CLNK: variants seen among roughly 807,000 people sequenced by gnomAD.
The protein encoded by CLNK is cytokine dependent hematopoietic cell linker, also known as cytokine-dependent hematopoietic cell linker.
Under a neutral mutation model 68.6 loss-of-function variants are expected in CLNK, and 74 were observed. The observed-to-expected ratio is 1.08, with a 90% CI of 0.89 to 1.31. CLNK has a LOEUF of 1.31. Among genes scored for constraint, CLNK ranks in the 50% most tolerant of loss-of-function variants. The pLI is 0.00. For synonymous variants in CLNK, 198 were observed against 172.2 expected (o/e 1.15, Z -1.17); for missense variants, 553 against 515.3 (o/e 1.07, Z -0.71).
chr4:10,705,287 T>C, the CLNK span, among the ~76,000 whole-genome samples: 1 of 152,244 alleles, frequency 6.6e-6, no homozygotes, highest in Non-Finnish European at 1.5e-5. Context: ...TCTTCACCAA[T>C]TGGTGTGACC....
rs937517645 is a variant in CLNK at position 10,585,578 on chromosome 4, G to T, written c.84-623C>A. ...GTCTCAGCCTCCTCTGGCTGGGAAGGCCACCTGATTCTCAAACCATTCATT... is the reference window on the plus strand; with the variant it reads ...GTCTCAGCCTCCTCTGGCTGGGAAGTCCACCTGATTCTCAAACCATTCATT... On this transcript the variant is annotated intron_variant, in intron 3 of 18. Coordinates refer to ENST00000226951, the MANE Select transcript of CLNK (RefSeq NM_052964.4). 5.3e-5 allele frequency among the ~76,000 whole-genome samples: 8 copies of T among 152,276 alleles called. No individual in the cohort carries two copies. In the South Asian group the frequency reaches 1.2e-3, roughly 24 times the overall value.
At chr4:10,500,830 A>G (rs950379974) in intron 18 of CLNK, among the ~76,000 whole-genome samples, 3 of 152,368 alleles carry the variant, frequency 2.0e-5, no homozygotes, top group East Asian at 3.9e-4. Flanking sequence ...GGCATGCCCA[A>G]CATAGCCCTA....
intron 2 of CLNK, among the ~76,000 whole-genome samples, chr4:10,632,373 T>C (rs1483163656): frequency 6.6e-5 from 10 of 152,242 alleles, no homozygotes; most frequent in South Asian, 2.1e-4. Flanking sequence ...CCTTAGCCCT[T>C]AGCAGGAATT....
intron 2 of CLNK, among the ~76,000 whole-genome samples, chr4:10,631,739 G>A (rs568242218): frequency 6.6e-6 from 1 of 152,348 alleles, no homozygotes; most frequent in Non-Finnish European, 1.5e-5. Flanking sequence ...TATTTCAACT[G>A]TAGTGTCTGC....
chr4:10,624,033 G>T (rs969104578), intron 2 of CLNK, among the ~76,000 whole-genome samples: 58 of 152,286 alleles, frequency 3.8e-4, no homozygotes, highest in Middle Eastern at 3.4e-3. Flanking sequence ...TCCCAGTGAC[G>T]GCAACAACCT....
chr4:10,575,845 C>T (rs1720541561), intron 4 of CLNK, among the ~76,000 whole-genome samples: 1 of 152,214 alleles, frequency 6.6e-6, no homozygotes, highest in Non-Finnish European at 1.5e-5. Context: ...AGAAATAAAC[C>T]TTTATTATAT....
chr4:10,654,153 T>C (rs1367792070), intron 2 of CLNK, among the ~76,000 whole-genome samples: 1 of 151,914 alleles, frequency 6.6e-6, no homozygotes, highest in East Asian at 1.9e-4. Context: ...GAAAGAAAAT[T>C]ACAGGCCATT....
In CLNK at chr4:10,616,797, T is replaced by C. The variant is rs28677927; in HGVS notation, c.12-18748A>G. ...GTATATATGTGTGTGTGTGTATATATATATATATATATATATATATATATA... is the reference window on the plus strand; with the variant it reads ...GTATATATGTGTGTGTGTGTATATACATATATATATATATATATATATATA... On this transcript the variant is annotated intron_variant, in intron 2 of 18. Transcript: ENST00000226951. Among the ~76,000 whole-genome samples, 9 of 8,018 alleles carry C rather than the reference T, an allele frequency of 1.1e-3. No homozygotes were observed. In the South Asian group the frequency reaches 0.029, roughly 26 times the overall value. 5.3% of individuals were successfully genotyped at this position (8,018 alleles called of 152,430 possible).
At chr4:10,605,680 T>C (rs1721760963) in intron 2 of CLNK, among the ~76,000 whole-genome samples, 1 of 151,404 alleles carries the variant, frequency 6.6e-6, no homozygotes, top group Non-Finnish European at 1.5e-5. Context: ...ATACAAAAAT[T>C]AGCTGGGCGT....
intron 10 of CLNK, among the ~76,000 whole-genome samples, chr4:10,540,924 A>T (rs903635083): frequency 4.6e-5 from 7 of 152,084 alleles, no homozygotes; most frequent in Admixed American, 2.0e-4. Flanking sequence ...AAATAAATAT[A>T]AAAAAAGTGG....
chr4:10,555,091 G>A (rs189267344), intron 8 of CLNK, among the ~76,000 whole-genome samples: 2 of 152,248 alleles, frequency 1.3e-5, no homozygotes, highest in East Asian at 1.9e-4. Flanking sequence ...ATCTAAACTC[G>A]TCTAAAAGCA....
chr4:10,646,727 G>A (rs943216977), intron 2 of CLNK, among the ~76,000 whole-genome samples: 1 of 151,998 alleles, frequency 6.6e-6, no homozygotes, highest in Non-Finnish European at 1.5e-5. Context: ...ACATAATCAT[G>A]GGTAAATGTA....
At position 10,566,154 on chromosome 4, in the gene CLNK, A is replaced by G. The variant is rs1466994209; in HGVS notation, c.151-4T>C. On this transcript the variant is annotated splice_polypyrimidine_tract_variant and splice_region_variant and intron_variant, in intron 5 of 18. Coordinates refer to ENST00000226951, the MANE Select transcript of CLNK (RefSeq NM_052964.4). ...GGACTGCAGCAAAGTTTCTTTCCTA[A>G]GCAGGTGGTAACATTCCAGTGAGTC... 1.2e-6 allele frequency: 2 copies of G among 1,613,352 alleles called. No homozygotes were observed. The highest frequency in any genetic ancestry group is 1.7e-6 in the Non-Finnish European group (2 of 1,179,568).
chr4:10,630,591 A>T (rs1199947894), intron 2 of CLNK, among the ~76,000 whole-genome samples: 1 of 152,212 alleles, frequency 6.6e-6, no homozygotes, highest in Non-Finnish European at 1.5e-5. Context: ...AGCACTATAG[A>T]GGGAGAGGGA....
chr4:10,699,479 TCTCTC>T, the CLNK span, among the ~76,000 whole-genome samples: 1 of 73,592 alleles, frequency 1.4e-5, no homozygotes, highest in Non-Finnish European at 2.5e-5. Context: ...TCTCTCTCTC[TCTCTC>T]TCTCTCTCTC....
intron 1 of CLNK, among the ~76,000 whole-genome samples, chr4:10,679,520 C>A (rs1301254832): frequency 3.3e-5 from 5 of 152,178 alleles, no homozygotes; most frequent in Non-Finnish European, 7.3e-5. Context: ...CAAATGGGAT[C>A]TAATTAAACT....
intron 16 of CLNK, among the ~76,000 whole-genome samples, chr4:10,508,671 T>G (rs1717419145): frequency 6.6e-6 from 1 of 152,178 alleles, no homozygotes; most frequent in Admixed American, 6.5e-5. Context: ...AATCATAATA[T>G]TAAATAACCC....
chr4:10,721,834 T>C, the CLNK span, among the ~76,000 whole-genome samples: 1 of 152,188 alleles, frequency 6.6e-6, no homozygotes, highest in Admixed American at 6.5e-5. Context: ...CAACCAAGGT[T>C]GACAGGTGCA....
intron 5 of CLNK, among the ~76,000 whole-genome samples, chr4:10,569,133 G>T (rs922953132): frequency 6.6e-6 from 1 of 151,124 alleles, no homozygotes; most frequent in Non-Finnish European, 1.5e-5. Context: ...AGAAAATTCT[G>T]TGGGTTCATA....
Sources: gnomAD v4.1 joint callset for allele counts (sites outside exome capture counted in the v4.1 genomes callset) on GRCh38, gnomAD v4.1.1 for gene constraint, MANE v1.5 for transcripts, NCBI Gene and HGNC (gene_info 2026-07-23, HGNC 2026-07-21) for gene names.